The following CCDC116 variants were observed in gnomAD, a reference collection of about 807,000 sequenced individuals.
CCDC116 encodes coiled-coil domain-containing protein 116.
A neutral mutation model predicts 29.4 loss-of-function variants in CCDC116; 24 were observed. That is an observed-to-expected ratio of 0.82 (90% CI 0.59 to 1.15). CCDC116 has a LOEUF of 1.15. Ranked by LOEUF, CCDC116 falls within the 50% of genes most tolerant of loss-of-function variation. The pLI, the probability that CCDC116 is intolerant of heterozygous loss-of-function variation, is 0.00. For synonymous variants in CCDC116, 298 were observed against 331.4 expected (o/e 0.90, Z 1.10); for missense variants, 791 against 804.0 (o/e 0.98, Z 0.20).
chr22:21,636,839 C>T lies in CCDC116; in HGVS notation c.1611C>T (p.Asp537=), dbSNP rs2066034847. 6.2e-7 allele frequency: 1 copy of T among 1,613,304 alleles called. No homozygotes were observed. Among genetic ancestry groups the T allele is most frequent in the African/African-American group, 1.3e-5 (1 of 74,888 alleles). ...QQEPATHTAQ[D]QATEPCRSLY... ...AACCAGCCACCCACACTGCCCAGGA[C>T]CAGGCCACAGAGCCCTGCCGCTCCC... The change falls in exon 5 of 5, where the codon GAC becomes GAT. Residue 537 remains aspartate (D), a synonymous_variant. Transcript: ENST00000292779.
Position 21,633,265 on chromosome 22 carries a change from C to T in CCDC116, c.72+12C>T. On this transcript the variant is annotated intron_variant, in intron 2 of 4. Transcript: ENST00000292779. ...TGTGCAGTGCACGGGTAAGTGTGCC[C>T]AGCAGGGCGCCGACCCTTGAGGCCA... 3 of 1,538,940 alleles carry T rather than the reference C, an allele frequency of 1.9e-6. No homozygotes were observed. Among genetic ancestry groups the T allele is most frequent in the Non-Finnish European group, 2.6e-6 (3 of 1,138,048 alleles).
rs762931042 is a variant in CCDC116 at position 21,634,058 on chromosome 22, C to T, written c.109C>T (p.Arg37Trp). The T allele has an allele frequency of 2.7e-5, 44 of 1,611,958 alleles. No individual in the cohort carries two copies. Among genetic ancestry groups the T allele is most frequent in the East Asian group, 1.8e-4 (8 of 44,886 alleles). ...CAAGAAGCCACTGGTCCCAGAAATG[C>T]GGCCAGCCTGCAAGCCGGGCCGTGT... The part of the protein sequence containing the change: ...LPKKPLVPEM[R>W]PACKPGRVPH... Residue 37 changes from arginine (R) to tryptophan (W), a missense_variant, in exon 3 of 5, where the codon CGG (arginine) becomes TGG (tryptophan). Coordinates refer to ENST00000292779, the MANE Select transcript of CCDC116 (RefSeq NM_152612.3).
chr22:21,633,283 T>C, intron 2 of CCDC116, 30 bp downstream of exon 2: 1 of 1,517,386 alleles, frequency 6.6e-7, no homozygotes, highest in Non-Finnish European at 8.9e-7. Flanking sequence ...CGCCGACCCT[T>C]GAGGCCACAA....
chr22:21,634,075 G>C lies in CCDC116; in HGVS notation c.126G>C (p.Pro42=). 4 of 1,613,806 alleles carry C rather than the reference G, an allele frequency of 2.5e-6. No individual in the cohort carries two copies. The highest frequency in any genetic ancestry group is 3.4e-6 in the Non-Finnish European group (4 of 1,179,866). ...CAGAAATGCGGCCAGCCTGCAAGCC[G>C]GGCCGTGTGCCACACCCACCATCCA... The part of the protein sequence containing the change: ...LVPEMRPACK[P]GRVPHPPSTC... The change falls in exon 3 of 5, where the codon CCG becomes CCC. Residue 42 remains proline (P), a synonymous_variant. Coordinates refer to ENST00000292779, the MANE Select transcript of CCDC116 (RefSeq NM_152612.3).
intron 1 of CCDC116, 32 bp downstream of exon 1, chr22:21,632,859 G>T: frequency 2.0e-6 from 1 of 493,412 alleles, no homozygotes; most frequent in African/African-American, 1.9e-5. Flanking sequence ...TGGGGTGAAA[G>T]CCAGGTTGCC....
Position 21,636,836 on chromosome 22 carries a change from G to A in CCDC116, c.1608G>A (p.Gln536=). Reference sequence around the variant, plus strand: ...AGGAACCAGCCACCCACACTGCCCAGGACCAGGCCACAGAGCCCTGCCGCT... The same window carrying A: ...AGGAACCAGCCACCCACACTGCCCAAGACCAGGCCACAGAGCCCTGCCGCT... The part of the protein sequence containing the change: ...VQQEPATHTA[Q]DQATEPCRSL... Residue 536 remains glutamine (Q), a synonymous_variant, in exon 5 of 5, where the codon CAG becomes CAA. Coordinates refer to ENST00000292779, the MANE Select transcript of CCDC116 (RefSeq NM_152612.3). 2 of 1,613,456 alleles carry A rather than the reference G, an allele frequency of 1.2e-6. No homozygotes were observed. Among genetic ancestry groups the A allele is most frequent in the African/African-American group, 2.7e-5 (2 of 75,050 alleles).
At position 21,637,147 on chromosome 22, in the gene CCDC116, C is replaced by G. The variant is rs897841974; in HGVS notation, c.*77C>G. On this transcript the variant is annotated 3_prime_UTR_variant, in exon 5 of 5. Coordinates refer to ENST00000292779, the MANE Select transcript of CCDC116 (RefSeq NM_152612.3). The stretch of plus-strand genomic sequence containing the variant: ...GGCCACGGTGACCCACCATGAAGTC[C>G]CCACTAGCCACTCGATTCCCTGCTC... 32 of 1,470,458 alleles carry G rather than the reference C, an allele frequency of 2.2e-5. No homozygotes were observed. In the South Asian group the frequency reaches 4.4e-4, roughly 20 times the overall value. 91.1% of individuals were successfully genotyped at this position (1,470,458 alleles called of 1,614,324 possible).
chr22:21,633,922 C>A, intron 2 of CCDC116, 100 bp from the exon 3 acceptor site: 1 of 1,216,842 alleles, frequency 8.2e-7, no homozygotes, highest in Non-Finnish European at 1.1e-6. Flanking sequence ...CAAAATGCAG[C>A]TCCTTCCACT....
At chr22:21,635,560 C>T (rs1420259861) in intron 4 of CCDC116, 1 of 703,102 alleles carries the variant, frequency 1.4e-6, no homozygotes, top group Non-Finnish European at 2.6e-6. Context: ...CATCTCCCGC[C>T]TCACTGTGTC....
intron 4 of CCDC116, 80 bp downstream of exon 4, chr22:21,635,346 T>C (rs1321623454): frequency 1.6e-6 from 2 of 1,231,108 alleles, no homozygotes; most frequent in Non-Finnish European, 2.3e-6. Flanking sequence ...GATCCCAAAT[T>C]ACAAAACCCA....
Position 21,636,642 on chromosome 22 carries a change from C to A in CCDC116, c.1414C>A (p.Leu472Ile). 1 of 1,614,120 alleles carries A rather than the reference C, an allele frequency of 6.2e-7. No individual in the cohort carries two copies. Among genetic ancestry groups the A allele is most frequent in the Non-Finnish European group, 8.5e-7 (1 of 1,180,022 alleles). ...GFFSFPITHV[L>I]RDLSLGLKKV... ...CTTCTCCTTCCCCATCACCCACGTG[C>A]TCAGGGACCTTTCCCTGGGCTTAAA... The change falls in exon 5 of 5, where the codon CTC (leucine) becomes ATC (isoleucine). Residue 472 changes from leucine to isoleucine, a missense_variant. Leu to Ile is a conservative substitution (Grantham distance 5). Transcript: ENST00000292779.
At chr22:21,635,733 C>T in intron 4 of CCDC116, 1 of 607,950 alleles carries the variant, frequency 1.6e-6, no homozygotes, top group Non-Finnish European at 2.9e-6. Flanking sequence ...CTGATGGGGG[C>T]CCATGAATCC....
In CCDC116 at chr22:21,634,040, C is replaced by T; in HGVS notation, c.91C>T (p.Pro31Ser). The T allele has an allele frequency of 2.5e-6, 4 of 1,609,150 alleles. No individual in the cohort carries two copies. Among genetic ancestry groups the T allele is most frequent in the Non-Finnish European group, 3.4e-6 (4 of 1,177,348 alleles). ...CSARVQLPKK[P>S]LVPEMRPACK... ...TGCTCAGGTGCAGCTGCCCAAGAAG[C>T]CACTGGTCCCAGAAATGCGGCCAGC... is the stretch of plus-strand genomic sequence containing the variant. The change falls in exon 3 of 5, where the codon CCA (proline) becomes TCA (serine). Residue 31 changes from proline (P) to serine (S), a missense_variant. Pro to Ser is a moderately conservative substitution (Grantham distance 74). Coordinates refer to ENST00000292779, the MANE Select transcript of CCDC116 (RefSeq NM_152612.3).
Position 21,634,377 on chromosome 22 carries a change from G to T in CCDC116, c.428G>T (p.Cys143Phe). 1 of 1,613,824 alleles carries T rather than the reference G, an allele frequency of 6.2e-7. No homozygotes were observed. Among genetic ancestry groups the T allele is most frequent in the Non-Finnish European group, 8.5e-7 (1 of 1,179,948 alleles). ...CGGCACCGTGTACGGCCGACCCTCT[G>T]CACTGGACACCCCAACAACTACCCA... is the stretch of plus-strand genomic sequence containing the variant. ...VHRHRVRPTL[C>F]TGHPNNYPSS... The change falls in exon 3 of 5, where the codon TGC (cysteine) becomes TTC (phenylalanine). Residue 143 changes from cysteine (C) to phenylalanine (F), a missense_variant. Transcript: ENST00000292779.
Position 21,632,797 on chromosome 22 carries a change from C to T in CCDC116, c.-93C>T, listed in dbSNP as rs1930601546. The T allele has an allele frequency of 5.1e-6, 2 of 391,608 alleles. No individual in the cohort carries two copies. 24.3% of individuals were successfully genotyped at this position (391,608 alleles called of 1,614,324 possible). ...TGCTCCAGTGAGGGCGCAGACTGTA[C>T]TGGCCTGTGCGGAGCAAGGCGGTGT... On this transcript the variant is annotated 5_prime_UTR_variant, in exon 1 of 5. Coordinates refer to ENST00000292779, the MANE Select transcript of CCDC116 (RefSeq NM_152612.3).
At chr22:21,633,387 C>A in intron 2 of CCDC116, 134 bp downstream of exon 2, 1 of 664,870 alleles carries the variant, frequency 1.5e-6, no homozygotes, top group Non-Finnish European at 2.5e-6. Context: ...TCCTTATTGC[C>A]TTGACTTCTC....
At chr22:21,633,543 G>T (rs1930639016) in intron 2 of CCDC116, among the ~76,000 whole-genome samples, 1 of 152,194 alleles carries the variant, frequency 6.6e-6, no homozygotes, top group South Asian at 2.1e-4. Flanking sequence ...TCAAGTTGGA[G>T]AAACAGGCCC....
At position 21,634,489 on chromosome 22, in the gene CCDC116, C is replaced by T. The variant is rs766664105; in HGVS notation, c.540C>T (p.Ala180=). The change falls in exon 3 of 5, where the codon GCC becomes GCT. Residue 180 remains alanine, a synonymous_variant. Transcript: ENST00000292779. ...GSHSRDSDLG[A]QGSLPPVRDK... ...ACAGCCGGGACAGTGACCTAGGTGC[C>T]CAAGGCTCATTGCCACCTGTGAGGG... The T allele has an allele frequency of 5.6e-6, 9 of 1,614,018 alleles. No individual in the cohort carries two copies. In the African/African-American group the frequency reaches 1.2e-4, roughly 22 times the overall value.
rs371307025 is a variant in CCDC116 at position 21,636,574 on chromosome 22, G to A, written c.1346G>A (p.Arg449His). The A allele has an allele frequency of 9.9e-6, 16 of 1,614,090 alleles. No individual in the cohort carries two copies. The highest frequency in any genetic ancestry group is 8.0e-5 in the African/African-American group (6 of 75,030). Residue 449 changes from arginine to histidine, a missense_variant, in exon 5 of 5, where the codon CGC (arginine) becomes CAC (histidine). By Grantham distance (29) the Arg-to-His change is conservative (BLOSUM62 0). Coordinates refer to ENST00000292779, the MANE Select transcript of CCDC116 (RefSeq NM_152612.3). ...LTQQAASLVI[R>H]KYEFEKDLSK... The stretch of plus-strand genomic sequence containing the variant: ...CAGCAGGCAGCCTCCTTGGTCATCC[G>A]CAAGTACGAGTTCGAAAAGGACCTC...
Sources: allele counts gnomAD v4.1 joint callset (sites outside exome capture counted in the v4.1 genomes callset), GRCh38; gene constraint gnomAD v4.1.1; transcripts MANE v1.5; gene names NCBI Gene and HGNC (gene_info 2026-07-23, HGNC 2026-07-21).